The following PINX1 variants were observed in gnomAD, a reference collection of about 807,000 sequenced individuals.
PINX1 encodes the protein PIN2 (TERF1) interacting telomerase inhibitor 1.
A neutral mutation model predicts 25.4 loss-of-function variants in PINX1; 34 were observed. The ratio of observed to expected loss-of-function variants is 1.34; its 90% CI spans 1.02 to 1.78. PINX1 has a LOEUF of 1.78. Among genes scored for constraint, PINX1 ranks in the 40% most tolerant of loss-of-function variants. The pLI is 0.00. For missense variants in PINX1, 592 were observed against 404.9 expected (o/e 1.46, Z -3.97); for synonymous variants, 197 against 147.7 (o/e 1.33, Z -2.42).
chr8:10,835,849 T>A (rs1798389328), intron 1 of PINX1, among the ~76,000 whole-genome samples: 1 of 152,054 alleles, frequency 6.6e-6, no homozygotes, highest in Non-Finnish European at 1.5e-5. Flanking sequence ...CTGCTTTGAA[T>A]CTCATCAAAG....
At chr8:10,808,194 T>A (rs1222933729) in intron 6 of PINX1, among the ~76,000 whole-genome samples, 2 of 152,222 alleles carry the variant, frequency 1.3e-5, no homozygotes, top group East Asian at 1.9e-4. Flanking sequence ...AATCAGTAGT[T>A]TGAGTGGTGT....
rs2409650 is a variant in PINX1 at position 10,833,128 on chromosome 8, G to T, written c.130-144C>A. 3.1e-5 allele frequency: 17 copies of T among 551,930 alleles called. No homozygotes were observed. In the East Asian group the frequency reaches 4.0e-4, roughly 13 times the overall value. 34.2% of individuals were successfully genotyped at this position (551,930 alleles called of 1,614,324 possible). A position where few individuals can be genotyped will look rare whatever the true frequency, so the allele number is the denominator to read the frequency against. ...TTAAATACTTTCACAAAGCAACATG[G>T]GGGAGGACTCTAAGTCCTCTGCATC... is the stretch of plus-strand genomic sequence containing the variant. On this transcript the variant is annotated intron_variant, in intron 2 of 6. Coordinates refer to ENST00000314787, the MANE Select transcript of PINX1 (RefSeq NM_017884.6).
chr8:10,830,035 T>C (rs1375925889), intron 4 of PINX1, among the ~76,000 whole-genome samples: 1 of 152,234 alleles, frequency 6.6e-6, no homozygotes. Context: ...TCAAGATGTT[T>C]TCTGTGTATA....
chr8:10,832,824 A>G (rs1798262535), intron 3 of PINX1, 68 bp downstream of exon 3: 4 of 866,736 alleles, frequency 4.6e-6, no homozygotes. Flanking sequence ...TGAACCAATC[A>G]ACTTTCAGAT....
At position 10,769,337 on chromosome 8, in the gene PINX1, C is replaced by T. The variant is rs114982311; in HGVS notation, c.472-3421G>A. On this transcript the variant is annotated intron_variant, in intron 6 of 6. Transcript: ENST00000314787. ...TGTTCACAGCAAGCCTCACAGTCCT[C>T]TCCCTTCCTTCAGCGCTAATGAGTG... 6.0e-3 allele frequency among the ~76,000 whole-genome samples: 919 copies of T among 152,308 alleles called. 7 individuals carry two copies. The highest frequency in any genetic ancestry group is 0.038 in the South Asian group (181 of 4,826).
At chr8:10,805,585 A>G (rs866373671) in intron 6 of PINX1, among the ~76,000 whole-genome samples, 739 of 102,550 alleles carry the variant, frequency 7.2e-3, no homozygotes, top group Non-Finnish European at 9.2e-3. Context: ...AGGGGGTGAC[A>G]GAGCACAGGA....
chr8:10,838,070 C>G (rs1798456667), intron 1 of PINX1, among the ~76,000 whole-genome samples: 1 of 152,214 alleles, frequency 6.6e-6, no homozygotes, highest in Non-Finnish European at 1.5e-5. Flanking sequence ...ACCAAGTTGT[C>G]GCTGTACCTC....
Position 10,765,698 on chromosome 8 carries a change from A to G in PINX1, c.690T>C (p.Pro230=). ...TGKDVESYLQ[P]KAKRHTEGKP... ...TTCCCTCCGTGTGCCTCTTGGCCTTAGGCTGGAGGTAACTTTCCACATCTT... is the reference window on the plus strand; with the variant it reads ...TTCCCTCCGTGTGCCTCTTGGCCTTGGGCTGGAGGTAACTTTCCACATCTT... The change falls in exon 7 of 7, where the codon CCT becomes CCC. Residue 230 remains proline (P), a synonymous_variant. Transcript: ENST00000314787. 1 of 1,613,954 alleles carries G rather than the reference A, an allele frequency of 6.2e-7. No homozygotes were observed. The highest frequency in any genetic ancestry group is 8.5e-7 in the Non-Finnish European group (1 of 1,179,888).
Position 10,765,397 on chromosome 8 carries a change from G to T in PINX1, c.*4C>A. 1 of 1,591,708 alleles carries T rather than the reference G, an allele frequency of 6.3e-7. No homozygotes were observed. The highest frequency in any genetic ancestry group is 1.1e-5 in the South Asian group (1 of 88,306). ...GTGGTCGGAAGGCCCCGGCTGGGAA[G>T]GATTCATTTGGAATCTTTCTTCTTC... On this transcript the variant is annotated 3_prime_UTR_variant, in exon 7 of 7. Transcript: ENST00000314787.
chr8:10,829,846 A>T (rs1367584582), intron 4 of PINX1, among the ~76,000 whole-genome samples: 1 of 152,064 alleles, frequency 6.6e-6, no homozygotes, highest in Non-Finnish European at 1.5e-5. Flanking sequence ...CACCACGCCC[A>T]GCTAATTTTG....
intron 3 of PINX1, among the ~76,000 whole-genome samples, chr8:10,832,470 T>G (rs1270530185): frequency 6.6e-6 from 1 of 152,240 alleles, no homozygotes; most frequent in East Asian, 1.9e-4. Flanking sequence ...ATCTGTGTTA[T>G]CTATCCCTCA....
chr8:10,817,406 C>T (rs958869113), intron 6 of PINX1, among the ~76,000 whole-genome samples: 2 of 152,184 alleles, frequency 1.3e-5, no homozygotes, highest in African/African-American at 4.8e-5. Flanking sequence ...ACTATAAGGG[C>T]TGTTGTAACT....
chr8:10,806,545 T>G (rs1206848142), intron 6 of PINX1, among the ~76,000 whole-genome samples: 3 of 152,206 alleles, frequency 2.0e-5, no homozygotes, highest in African/African-American at 4.8e-5. Context: ...GAAAAGGGTT[T>G]GTTACACTTT....
chr8:10,776,228 C>G (rs953618693), intron 6 of PINX1, among the ~76,000 whole-genome samples: 1 of 152,062 alleles, frequency 6.6e-6, no homozygotes, highest in Non-Finnish European at 1.5e-5. Flanking sequence ...GAGTTCGAGA[C>G]CAGCCTGGCC....
rs573592169 is a variant in PINX1 at position 10,826,257 on chromosome 8, T to C, written c.302-13A>G. On this transcript the variant is annotated splice_polypyrimidine_tract_variant and intron_variant, in intron 4 of 6. Transcript: ENST00000314787. ...TTGTCCGAGGAATCTTTAAAAAAGATGAAAAAAATACATTAAAGTCTTTCT... is the reference window on the plus strand; with the variant it reads ...TTGTCCGAGGAATCTTTAAAAAAGACGAAAAAAATACATTAAAGTCTTTCT... 7.1e-6 allele frequency: 10 copies of C among 1,404,278 alleles called. No homozygotes were observed. In the African/African-American group the frequency reaches 7.1e-5, roughly 10 times the overall value. The allele number at this position is 1,404,278 out of a possible 1,614,324, so 87.0% of individuals were successfully genotyped here. A position where few individuals can be genotyped will look rare whatever the true frequency, so the allele number is the denominator to read the frequency against.
At chr8:10,788,821 G>C (rs904561873) in intron 6 of PINX1, among the ~76,000 whole-genome samples, 1 of 152,180 alleles carries the variant, frequency 6.6e-6, no homozygotes, top group Non-Finnish European at 1.5e-5. Context: ...ACAGCAAAGC[G>C]GTGGGTTTCC....
chr8:10,819,564 CA>C (rs1797802247), intron 6 of PINX1, among the ~76,000 whole-genome samples: 1 of 152,086 alleles, frequency 6.6e-6, no homozygotes, highest in African/African-American at 2.4e-5. Flanking sequence ...CAAAACAGCA[CA>C]AAAAATTCTT....
In PINX1 at chr8:10,765,692, G is replaced by A. The variant is rs1395490683; in HGVS notation, c.696C>T (p.Ala232=). The A allele has an allele frequency of 2.5e-6, 4 of 1,613,972 alleles. No individual in the cohort carries two copies. The Admixed American group carries it at 6.7e-5, about 27-fold the overall frequency. ...CGGGCTTTCCCTCCGTGTGCCTCTT[G>A]GCCTTAGGCTGGAGGTAACTTTCCA... The part of the protein sequence containing the change: ...KDVESYLQPK[A]KRHTEGKPER... Residue 232 remains alanine (A), a synonymous_variant, in exon 7 of 7, where the codon GCC becomes GCT. Coordinates refer to ENST00000314787, the MANE Select transcript of PINX1 (RefSeq NM_017884.6).
intron 1 of PINX1, among the ~76,000 whole-genome samples, chr8:10,838,979 T>C (rs1179537194): frequency 2.0e-5 from 3 of 152,198 alleles, no homozygotes; most frequent in East Asian, 1.9e-4. Context: ...ATCTGTTAAA[T>C]AAGCTGTTTC....
Sources: allele counts gnomAD v4.1 joint callset (sites outside exome capture counted in the v4.1 genomes callset), GRCh38; gene constraint gnomAD v4.1.1; transcripts MANE v1.5; gene names NCBI Gene and HGNC (gene_info 2026-07-23, HGNC 2026-07-21).